The following ZNF385D variants were observed in gnomAD, a reference collection of about 807,000 sequenced individuals.
The protein encoded by ZNF385D is zinc finger protein 659.
A neutral mutation model predicts 35.8 loss-of-function variants in ZNF385D; 15 were observed. The observed-to-expected ratio is 0.42, with a 90% CI of 0.28 to 0.64. ZNF385D has a LOEUF of 0.64. ZNF385D is among the 30% of genes least tolerant of loss of function. The pLI is 0.23. For missense variants in ZNF385D, 474 were observed against 494.6 expected, an observed-to-expected ratio of 0.96 and a Z score of 0.39; for synonymous variants, 212 against 186.8, an observed-to-expected ratio of 1.13 and a Z score of -1.10.
intron 3 of ZNF385D, among the ~76,000 whole-genome samples, chr3:22,147,967 T>A (rs1212373345): frequency 6.6e-6 from 1 of 152,176 alleles, no homozygotes; most frequent in Non-Finnish European, 1.5e-5. Flanking sequence ...AGCAAAGATG[T>A]TTCTGAGGCT....
At chr3:22,186,450 T>G (rs1695636240) in intron 2 of ZNF385D, among the ~76,000 whole-genome samples, 1 of 152,226 alleles carries the variant, frequency 6.6e-6, no homozygotes. Context: ...ATAAGTCTTG[T>G]AGTTAAAACT....
chr3:22,340,658 A>C (rs1010948113), intron 2 of ZNF385D, among the ~76,000 whole-genome samples: 3 of 152,154 alleles, frequency 2.0e-5, no homozygotes, highest in African/African-American at 7.2e-5. Flanking sequence ...AAATAATAAT[A>C]ATAAGATGTG....
At chr3:22,208,545 T>C (rs539346528) in intron 2 of ZNF385D, among the ~76,000 whole-genome samples, 26 of 151,804 alleles carry the variant, frequency 1.7e-4, no homozygotes, top group African/African-American at 6.3e-4. Flanking sequence ...TAATTGTACA[T>C]TGTAAATAAA....
At chr3:22,192,076 G>C (rs1409146665) in intron 2 of ZNF385D, among the ~76,000 whole-genome samples, 2 of 152,216 alleles carry the variant, frequency 1.3e-5, no homozygotes, top group East Asian at 1.9e-4. Context: ...ACTTACTCAA[G>C]TGATTCTTTC....
At chr3:22,171,380 CCT>C (rs1334674828) in intron 2 of ZNF385D, among the ~76,000 whole-genome samples, 24 of 152,102 alleles carry the variant, frequency 1.6e-4, no homozygotes, top group African/African-American at 5.8e-4. Flanking sequence ...TTCTTTCAAG[CCT>C]CTGAGATTTA....
chr3:21,692,491 T>C (rs1201191255), intron 1 of ZNF385D, among the ~76,000 whole-genome samples: 1 of 152,200 alleles, frequency 6.6e-6, no homozygotes, highest in Non-Finnish European at 1.5e-5. Context: ...TCCCAAACTC[T>C]CCCATATTTG....
intron 3 of ZNF385D, among the ~76,000 whole-genome samples, chr3:21,522,173 G>C (rs1385063470): frequency 6.6e-6 from 1 of 152,154 alleles, no homozygotes; most frequent in African/African-American, 2.4e-5. Context: ...AATAGGAAAA[G>C]TTGAGCAAAC....
chr3:22,347,757 T>G (rs1695724312), intron 2 of ZNF385D, among the ~76,000 whole-genome samples: 1 of 152,156 alleles, frequency 6.6e-6, no homozygotes, highest in Non-Finnish European at 1.5e-5. Context: ...CTATTAAATT[T>G]GGGAACAAAA....
At chr3:21,629,106 T>C (rs2065212472) in intron 2 of ZNF385D, among the ~76,000 whole-genome samples, 1 of 152,068 alleles carries the variant, frequency 6.6e-6, no homozygotes. Context: ...TTAAAAAAAA[T>C]TGTGATCTGT....
chr3:21,961,932 A>G (rs1702619504), intron 3 of ZNF385D, among the ~76,000 whole-genome samples: 1 of 152,160 alleles, frequency 6.6e-6, no homozygotes, highest in Non-Finnish European at 1.5e-5. Context: ...AATTAAGGAG[A>G]AAAGTCACCG....
At chr3:21,758,589 T>C (rs1396542157) in intron 3 of ZNF385D, among the ~76,000 whole-genome samples, 1 of 152,066 alleles carries the variant, frequency 6.6e-6, no homozygotes, top group Non-Finnish European at 1.5e-5. Flanking sequence ...AGAAAGTGAT[T>C]CAGGGGAAAT....
intron 2 of ZNF385D, among the ~76,000 whole-genome samples, chr3:21,606,275 G>T (rs1179433177): frequency 6.6e-6 from 1 of 152,144 alleles, no homozygotes; most frequent in Non-Finnish European, 1.5e-5. Flanking sequence ...ACAATGGGTG[G>T]TAATGATGCC....
At chr3:21,521,815 A>C (rs1325029636) in intron 3 of ZNF385D, among the ~76,000 whole-genome samples, 1 of 152,288 alleles carries the variant, frequency 6.6e-6, no homozygotes, top group East Asian at 1.9e-4. Context: ...AATTTGTAAA[A>C]ATACTAGAAA....
At chr3:21,822,576 GGT>G (rs2125738880) in intron 3 of ZNF385D, among the ~76,000 whole-genome samples, 1 of 150,806 alleles carries the variant, frequency 6.6e-6, no homozygotes, top group African/African-American at 2.4e-5. Flanking sequence ...TCTAGTAGTA[GGT>G]ATATACTACA....
intron 3 of ZNF385D, among the ~76,000 whole-genome samples, chr3:21,776,721 T>G (rs1408602085): frequency 6.6e-6 from 1 of 151,886 alleles, no homozygotes; most frequent in Non-Finnish European, 1.5e-5. Flanking sequence ...AAAAGGAAAG[T>G]AAAGTTGAAC....
chr3:21,420,584 G>C lies in ZNF385D; in HGVS notation c.*630C>G, dbSNP rs1485945941. 6.6e-6 allele frequency: 1 copy of C among 152,146 alleles called. No homozygotes were observed. The highest frequency in any genetic ancestry group is 1.5e-5 in the Non-Finnish European group (1 of 68,058). The allele number at this position is 152,146 out of a possible 1,614,324, so 9.4% of individuals were successfully genotyped here. ...TCCGGTGTATGTTTATTTTTTGACT[G>C]CTTATTGGTATGAAATAGTTGTTCA... is the stretch of plus-strand genomic sequence containing the variant. On this transcript the variant is annotated 3_prime_UTR_variant, in exon 8 of 8. Transcript: ENST00000281523.
intron 3 of ZNF385D, among the ~76,000 whole-genome samples, chr3:22,092,653 T>TA (rs895811477): frequency 5.9e-5 from 9 of 152,256 alleles, no homozygotes; most frequent in African/African-American, 2.2e-4. Context: ...GTGGCCCCTA[T>TA]AATTTGCTAT....
At chr3:22,366,391 A>G (rs1205870693) in intron 2 of ZNF385D, among the ~76,000 whole-genome samples, 1 of 152,178 alleles carries the variant, frequency 6.6e-6, no homozygotes, top group Non-Finnish European at 1.5e-5. Flanking sequence ...CCAGGTACAC[A>G]GTAATCACTC....
chr3:22,286,134 G>A (rs75234057), intron 2 of ZNF385D, among the ~76,000 whole-genome samples: 2,359 of 152,064 alleles, frequency 0.016, 62 homozygotes, highest in African/African-American at 0.054. Context: ...TAATATGTAC[G>A]GTACTTACAG....
Sources: allele counts gnomAD v4.1 joint callset (sites outside exome capture counted in the v4.1 genomes callset), GRCh38; gene constraint gnomAD v4.1.1; transcripts MANE v1.5; gene names NCBI Gene and HGNC (gene_info 2026-07-23, HGNC 2026-07-21).